The following PCDH17 variants were observed in gnomAD, a reference collection of about 807,000 sequenced individuals.
PCDH17 encodes the protein protocadherin 17.
Under a neutral mutation model 67.7 loss-of-function variants are expected in PCDH17, and 21 were observed. The ratio of observed to expected loss-of-function variants is 0.31; its 90% CI spans 0.22 to 0.45. PCDH17 has a LOEUF of 0.45. Ranked by LOEUF, PCDH17 falls within the 20% of genes least tolerant of loss-of-function variation. PCDH17 has a pLI of 1.00. For missense variants in PCDH17, 1,471 were observed against 1,564.8 expected, an observed-to-expected ratio of 0.94 and a Z score of 1.01; for synonymous variants, 701 against 656.7, an observed-to-expected ratio of 1.07 and a Z score of -1.03.
chr13:57,677,521 G>A (rs1242741313), intron 3 of PCDH17, among the ~76,000 whole-genome samples: 6 of 151,784 alleles, frequency 4.0e-5, no homozygotes. Flanking sequence ...TCAAAGAATT[G>A]TTTGATGTAT....
At chr13:57,685,228 A>C (rs1955494660) in intron 3 of PCDH17, among the ~76,000 whole-genome samples, 1 of 151,952 alleles carries the variant, frequency 6.6e-6, no homozygotes, top group Non-Finnish European at 1.5e-5. Flanking sequence ...TTAGTACTAT[A>C]AGTAAATTCT....
In PCDH17 at chr13:57,724,603, G is replaced by A. The variant is rs749729677; in HGVS notation, c.2798-9G>A. 1 of 1,598,196 alleles carries A rather than the reference G, an allele frequency of 6.3e-7. No homozygotes were observed. The highest frequency in any genetic ancestry group is 1.1e-5 in the South Asian group (1 of 89,854). On this transcript the variant is annotated splice_polypyrimidine_tract_variant and intron_variant, in intron 3 of 3. Transcript: ENST00000377918. ...GATTGGATTTGCTGTTTTCTCTTTT[G>A]TTTTGCAGAACCAGAAGAGTGTGTT...
At chr13:57,646,403 G>A (rs1954967485) in intron 1 of PCDH17, among the ~76,000 whole-genome samples, 2 of 151,482 alleles carry the variant, frequency 1.3e-5, no homozygotes, top group Non-Finnish European at 3.0e-5. Flanking sequence ...ATGGTTTACT[G>A]GTTTTTCATT....
At chr13:57,671,141 A>G (rs1459399982) in intron 3 of PCDH17, among the ~76,000 whole-genome samples, 1 of 151,886 alleles carries the variant, frequency 6.6e-6, no homozygotes, top group Non-Finnish European at 1.5e-5. Context: ...CATCCTTTAT[A>G]AAATATAGTA....
At position 57,633,615 on chromosome 13, in the gene PCDH17, C is replaced by T. The variant is rs1257724706; in HGVS notation, c.1069C>T (p.Arg357Cys). The T allele has an allele frequency of 1.2e-6, 2 of 1,611,466 alleles. No homozygotes were observed. Among genetic ancestry groups the T allele is most frequent in the East Asian group, 2.2e-5 (1 of 44,838 alleles). Residue 357 changes from arginine (R) to cysteine (C), a missense_variant, in exon 1 of 4, where the codon CGC (arginine) becomes TGC (cysteine). By Grantham distance (180) the Arg-to-Cys change is radical. Coordinates refer to ENST00000377918, the MANE Select transcript of PCDH17 (RefSeq NM_001040429.3). This position sits in a 1 kb window ranked among gnomAD's most constrained non-coding sequence, Gnocchi z 6.2. ...NAPSIGFVSVRQGALSEAAPP... is the reference protein window; with the variant it reads ...NAPSIGFVSVCQGALSEAAPP... ...GCCGTCCATCGGTTTCGTCTCCGTG[C>T]GCCAGGGGGCGCTGAGCGAGGCCGC...
chr13:57,710,663 GATTGGTTTCTGC>G (rs940480442), intron 3 of PCDH17, among the ~76,000 whole-genome samples: 48 of 151,976 alleles, frequency 3.2e-4, no homozygotes, highest in African/African-American at 1.1e-3. Flanking sequence ...TGAGAGATTT[GATTGGTTTCTGC>G]ATAGTTTAAT....
chr13:57,668,063 C>A (rs1261220186), intron 3 of PCDH17, among the ~76,000 whole-genome samples: 1 of 151,534 alleles, frequency 6.6e-6, no homozygotes, highest in Non-Finnish European at 1.5e-5. Flanking sequence ...TAGCAACTTT[C>A]TGTGTTAATA....
At chr13:57,638,408 C>T (rs780274396) in intron 1 of PCDH17, among the ~76,000 whole-genome samples, 5 of 152,056 alleles carry the variant, frequency 3.3e-5, no homozygotes, top group African/African-American at 4.8e-5. Flanking sequence ...GGACTTCTCA[C>T]TGATGGGAGA....
At chr13:57,663,434 T>A (rs1256148275) in intron 1 of PCDH17, among the ~76,000 whole-genome samples, 4 of 152,164 alleles carry the variant, frequency 2.6e-5, no homozygotes, top group African/African-American at 9.6e-5. Context: ...TGTTGTAAAA[T>A]ATCTGAATAC....
At chr13:57,642,169 G>C (rs754251754) in intron 1 of PCDH17, among the ~76,000 whole-genome samples, 2 of 151,618 alleles carry the variant, frequency 1.3e-5, no homozygotes, top group Non-Finnish European at 3.0e-5. Flanking sequence ...AATATATGCT[G>C]TCTGAACAAT....
intron 3 of PCDH17, among the ~76,000 whole-genome samples, chr13:57,688,157 A>G (rs1189012186): frequency 6.6e-6 from 1 of 151,898 alleles, no homozygotes; most frequent in Non-Finnish European, 1.5e-5. Flanking sequence ...CATTTAAAAA[A>G]TATTTGGGGC....
At chr13:57,682,928 A>G (rs557603890) in intron 3 of PCDH17, among the ~76,000 whole-genome samples, 5 of 151,920 alleles carry the variant, frequency 3.3e-5, no homozygotes, top group Non-Finnish European at 5.9e-5. Flanking sequence ...TTCAAAGAAC[A>G]GAATTATGTA....
rs562704036 is a variant in PCDH17 at position 57,664,438 on chromosome 13, A to G, written c.2566-2030A>G. 7.2e-5 allele frequency among the ~76,000 whole-genome samples: 11 copies of G among 152,326 alleles called. No individual in the cohort carries two copies. In the South Asian group the frequency reaches 2.3e-3, roughly 32 times the overall value. ...GTTTCTTATTTAATTAGAAATGCTT[A>G]GAACTTTAATAATATGCAAATATTT... On this transcript the variant is annotated intron_variant, in intron 1 of 3. Transcript: ENST00000377918.
intron 1 of PCDH17, among the ~76,000 whole-genome samples, chr13:57,659,336 A>T (rs1284132336): frequency 6.6e-6 from 1 of 152,258 alleles, no homozygotes; most frequent in East Asian, 1.9e-4. Context: ...TTAGAAATTC[A>T]TTAGAAATTA....
At chr13:57,709,887 T>C (rs959458956) in intron 3 of PCDH17, 1 of 152,082 alleles carries the variant, frequency 6.6e-6, no homozygotes, top group Non-Finnish European at 1.5e-5. Flanking sequence ...AATAGCATAG[T>C]AAGTGAGTAA....
chr13:57,691,303 A>G (rs907950732), intron 3 of PCDH17, among the ~76,000 whole-genome samples: 1 of 151,424 alleles, frequency 6.6e-6, no homozygotes, highest in Non-Finnish European at 1.5e-5. Flanking sequence ...TAGTAGGATG[A>G]TCATATAATT....
chr13:57,662,373 C>A (rs1443275687), intron 1 of PCDH17, among the ~76,000 whole-genome samples: 1 of 152,152 alleles, frequency 6.6e-6, no homozygotes, highest in African/African-American at 2.4e-5. Flanking sequence ...GTCTTCCAAT[C>A]CATAAACATA....
At chr13:57,638,282 G>A (rs1045747687) in intron 1 of PCDH17, among the ~76,000 whole-genome samples, 1 of 151,992 alleles carries the variant, frequency 6.6e-6, no homozygotes, top group African/African-American at 2.4e-5. Flanking sequence ...TTTATTACTA[G>A]TTCTCAAGAA....
At chr13:57,677,461 C>T (rs149215066) in intron 3 of PCDH17, among the ~76,000 whole-genome samples, 2 of 151,780 alleles carry the variant, frequency 1.3e-5, no homozygotes, top group East Asian at 3.9e-4. Context: ...TAAGGAGAAA[C>T]TTAAACAGCA....
Sources: allele counts gnomAD v4.1 joint callset (sites outside exome capture counted in the v4.1 genomes callset), GRCh38; gene constraint gnomAD v4.1.1; non-coding constraint Gnocchi (gnomAD v3.1); transcripts MANE v1.5; gene names NCBI Gene and HGNC (gene_info 2026-07-23, HGNC 2026-07-21).